The following RGS9 variants were observed in gnomAD, a reference collection of about 807,000 sequenced individuals.
RGS9 encodes the protein regulator of G-protein signalling 9.
Under a neutral mutation model 102.0 loss-of-function variants are expected in RGS9, and 78 were observed. The observed-to-expected ratio is 0.76, with a 90% CI of 0.64 to 0.92. RGS9 has a LOEUF of 0.92. Ranked by LOEUF, RGS9 falls within the 40% of genes least tolerant of loss-of-function variation. The pLI is 0.00. For synonymous variants in RGS9, 353 were observed against 318.6 expected (o/e 1.11, Z -1.15); for missense variants, 833 against 866.1 (o/e 0.96, Z 0.48).
At chr17:65,144,968 G>A (rs1420225515) in intron 1 of RGS9, among the ~76,000 whole-genome samples, 2 of 152,120 alleles carry the variant, frequency 1.3e-5, no homozygotes, top group Non-Finnish European at 2.9e-5. Context: ...GCAGATGGCC[G>A]TCTTCTCTCT....
intron 15 of RGS9, among the ~76,000 whole-genome samples, chr17:65,207,283 C>T (rs1913098142): frequency 6.6e-6 from 1 of 152,208 alleles, no homozygotes. Flanking sequence ...GCTCTTGTCT[C>T]ATGCTGGCTT....
intron 2 of RGS9, among the ~76,000 whole-genome samples, chr17:65,156,453 A>G (rs1397968761): frequency 6.6e-6 from 1 of 152,250 alleles, no homozygotes; most frequent in Non-Finnish European, 1.5e-5. Flanking sequence ...CCTCCTGCAC[A>G]GGTGAATTCC....
intron 1 of RGS9, among the ~76,000 whole-genome samples, chr17:65,149,905 G>A (rs932959834): frequency 2.0e-5 from 3 of 152,234 alleles, no homozygotes; most frequent in African/African-American, 7.2e-5. Context: ...CATGGAGACT[G>A]AGTGCTTTTT....
chr17:65,213,347 C>CAGGCT, intron 17 of RGS9, among the ~76,000 whole-genome samples: 1 of 152,368 alleles, frequency 6.6e-6, no homozygotes, highest in African/African-American at 2.4e-5. Flanking sequence ...AGGCTCAGGC[C>CAGGCT]CTGCCCTCCA....
At chr17:65,217,415 C>T (rs188188667) in intron 17 of RGS9, among the ~76,000 whole-genome samples, 10 of 152,262 alleles carry the variant, frequency 6.6e-5, no homozygotes, top group Admixed American at 2.6e-4. Context: ...CCTGCCGTGC[C>T]GAATCAAGAA....
At chr17:65,187,735 C>T (rs1334512880) in intron 9 of RGS9, among the ~76,000 whole-genome samples, 5 of 152,174 alleles carry the variant, frequency 3.3e-5, no homozygotes, top group Non-Finnish European at 2.9e-5. Flanking sequence ...CGGTGGCTCA[C>T]GCCTGTAATC....
rs1396012064 is a variant in RGS9 at position 65,176,718 on chromosome 17, T to TCCAA, written c.583-1011_583-1010insACCA. On this transcript the variant is annotated intron_variant, in intron 8 of 18. Coordinates refer to ENST00000262406, the MANE Select transcript of RGS9 (RefSeq NM_003835.4). ...ATCCATCTACTCACTCAACCATCCA[T>TCCAA]CCATCCATCCATCCATCCATCCATC... Among the ~76,000 whole-genome samples the TCCAA allele has an allele frequency of 1.0e-4, 14 of 139,670 alleles. No homozygotes were observed. The East Asian group carries it at 2.3e-3, about 23-fold the overall frequency. 91.6% of individuals were successfully genotyped at this position (139,670 alleles called of 152,430 possible). A position where few individuals can be genotyped will look rare whatever the true frequency, so the allele number is the denominator to read the frequency against.
chr17:65,215,497 GTTCTTTCT>G (rs779043184), intron 17 of RGS9, among the ~76,000 whole-genome samples: 5,692 of 133,546 alleles, frequency 0.043, 116 homozygotes, highest in Non-Finnish European at 0.061. Flanking sequence ...TCGTTCTTTC[GTTCTTTCT>G]TTCTTTCTTT....
intron 2 of RGS9, among the ~76,000 whole-genome samples, chr17:65,155,437 T>C (rs1402976536): frequency 6.6e-6 from 1 of 152,228 alleles, no homozygotes; most frequent in Non-Finnish European, 1.5e-5. Flanking sequence ...TCACTTATTG[T>C]CTGTCCTTGT....
chr17:65,226,791 T>A (rs1227800012), intron 18 of RGS9, among the ~76,000 whole-genome samples: 1 of 152,144 alleles, frequency 6.6e-6, no homozygotes, highest in Non-Finnish European at 1.5e-5. Flanking sequence ...TTTTTTGTAT[T>A]TTTAGTAGAG....
At chr17:65,148,692 T>G (rs570578268) in intron 1 of RGS9, among the ~76,000 whole-genome samples, 1 of 152,220 alleles carries the variant, frequency 6.6e-6, no homozygotes, top group African/African-American at 2.4e-5. Flanking sequence ...TCTCAGCCAG[T>G]CTGCAGTTGC....
intron 7 of RGS9, among the ~76,000 whole-genome samples, chr17:65,164,445 C>A (rs1437882798): frequency 6.6e-6 from 1 of 152,146 alleles, no homozygotes; most frequent in African/African-American, 2.4e-5. Context: ...CATCTGGTGA[C>A]CCGCACCAGT....
chr17:65,204,244 C>T lies in RGS9; in HGVS notation c.1146C>T (p.His382=). 6.2e-7 allele frequency: 1 copy of T among 1,613,530 alleles called. No homozygotes were observed. The highest frequency in any genetic ancestry group is 8.5e-7 in the Non-Finnish European group (1 of 1,180,008). ...TMDITVKGLK[H]PHRYVLDAAQ... is the part of the protein sequence containing the mutation. ...ACATCACAGTGAAGGGGCTGAAGCA[C>T]CCCCACCGCTATGTGCTGGACGCCG... Residue 382 remains histidine (H), a synonymous_variant, in exon 15 of 19, where the codon CAC becomes CAT. Transcript: ENST00000262406.
intron 17 of RGS9, among the ~76,000 whole-genome samples, chr17:65,216,819 T>C (rs980701112): frequency 6.6e-6 from 1 of 151,878 alleles, no homozygotes; most frequent in African/African-American, 2.4e-5. Context: ...TAGCTGGGGG[T>C]GCGGGGACAG....
chr17:65,208,320 C>T (rs551054684), intron 16 of RGS9, among the ~76,000 whole-genome samples: 3 of 152,244 alleles, frequency 2.0e-5, no homozygotes, highest in Non-Finnish European at 2.9e-5. Flanking sequence ...AACTGCTACT[C>T]GTTACCTCCA....
intron 3 of RGS9, among the ~76,000 whole-genome samples, chr17:65,159,687 G>T (rs1296230817): frequency 6.6e-6 from 1 of 152,184 alleles, no homozygotes; most frequent in African/African-American, 2.4e-5. Flanking sequence ...TGATAAACAA[G>T]GCTGTGCTTC....
chr17:65,160,178 T>G, intron 3 of RGS9, 55 bp from the exon 4 acceptor site: 7 of 1,400,476 alleles, frequency 5.0e-6, no homozygotes, highest in South Asian at 1.2e-5. Context: ...GGGCCGGCAA[T>G]GAGCTCCTGT....
At chr17:65,198,714 C>G (rs899796647) in intron 13 of RGS9, among the ~76,000 whole-genome samples, 1 of 152,216 alleles carries the variant, frequency 6.6e-6, no homozygotes. Flanking sequence ...GGGGGCATCA[C>G]TCCTGAGCCT....
At chr17:65,171,585 AG>A (rs1319767943) in intron 8 of RGS9, among the ~76,000 whole-genome samples, 4 of 152,248 alleles carry the variant, frequency 2.6e-5, no homozygotes, top group African/African-American at 9.6e-5. Context: ...GAAGGGGCAC[AG>A]CGAGAGGGTG....
Sources: gnomAD v4.1 joint callset for allele counts (sites outside exome capture counted in the v4.1 genomes callset) on GRCh38, gnomAD v4.1.1 for gene constraint, MANE v1.5 for transcripts, NCBI Gene and HGNC (gene_info 2026-07-23, HGNC 2026-07-21) for gene names.